Variants in ANKRD28 observed in about 807,000 individuals in gnomAD.
The protein encoded by ANKRD28 is serine/threonine-protein phosphatase 6 regulatory ankyrin repeat subunit A.
Under a neutral mutation model 126.5 loss-of-function variants are expected in ANKRD28, and 44 were observed. The observed-to-expected ratio is 0.35, with a 90% CI of 0.27 to 0.45. The LOEUF (loss-of-function observed/expected upper bound fraction) is 0.45, where lower values mean the gene tolerates loss of function less well. ANKRD28 is among the 20% of genes least tolerant of loss of function. ANKRD28 has a pLI of 1.00. For synonymous variants in ANKRD28, 442 were observed against 468.5 expected (o/e 0.94, Z 0.73); for missense variants, 1,110 against 1,316.6 (o/e 0.84, Z 2.43).
intron 15 of ANKRD28, among the ~76,000 whole-genome samples, chr3:15,695,606 C>T (rs1575196520): frequency 1.3e-5 from 2 of 152,078 alleles, no homozygotes; most frequent in Admixed American, 1.3e-4. Flanking sequence ...ATCTGTTACA[C>T]ACATGAATAT....
chr3:15,859,427 C>T (rs766601155), exon 1 of ANKRD28: 2 of 1,517,868 alleles, frequency 1.3e-6, no homozygotes, highest in South Asian at 1.2e-5. Context: ...GCGCCCACTC[C>T]AGCCTCCTCC....
At chr3:15,686,757 G>T (rs1223431819) in intron 18 of ANKRD28, among the ~76,000 whole-genome samples, 1 of 152,172 alleles carries the variant, frequency 6.6e-6, no homozygotes, top group Non-Finnish European at 1.5e-5. Flanking sequence ...TCTAGAGGCT[G>T]CTGGGAAATA....
chr3:15,689,786 G>C (rs2068578737), intron 18 of ANKRD28: 1 of 464,178 alleles, frequency 2.2e-6, no homozygotes, highest in Admixed American at 3.5e-5. Context: ...ATAATACACT[G>C]TATTTAAGTT....
rs1026171232 is a variant in ANKRD28, at chr3:15,838,227, T to G, written c.27+21150A>C. On this transcript the variant is annotated intron_variant, in intron 1 of 27. Transcript: ENST00000399451. The surrounding 1 kb of genome is among the most constrained non-coding windows in gnomAD (Gnocchi z 4.0). ...AATATTAATCCTTCACAAACTCATC[T>G]AGATACTTCAATAGAAAACACTTTC... Among the ~76,000 whole-genome samples, 34 of 152,344 alleles carry G rather than the reference T, an allele frequency of 2.2e-4. 5 individuals are homozygous for G. The highest frequency in any genetic ancestry group is 9.8e-4 in the Admixed American group (15 of 15,296).
intron 4 of ANKRD28, among the ~76,000 whole-genome samples, chr3:15,739,724 A>G (rs1440066956): frequency 6.6e-6 from 1 of 152,240 alleles, no homozygotes; most frequent in Non-Finnish European, 1.5e-5. Context: ...AAATGCTATT[A>G]GCCATGAATC....
intron 24 of ANKRD28, among the ~76,000 whole-genome samples, chr3:15,677,928 C>G (rs2067121876): frequency 6.6e-6 from 1 of 152,086 alleles, no homozygotes; most frequent in Non-Finnish European, 1.5e-5. Flanking sequence ...GGCATAAGGT[C>G]ATTTAGCTGA....
At chr3:15,694,679 G>A in intron 17 of ANKRD28, 60 bp downstream of exon 17, 10 of 1,437,448 alleles carry the variant, frequency 7.0e-6, no homozygotes, top group Non-Finnish European at 9.8e-6. Context: ...ACACAAATAG[G>A]TTATTAGATA....
chr3:15,742,915 T>C (rs868625397), intron 4 of ANKRD28, among the ~76,000 whole-genome samples: 1,898 of 147,976 alleles, frequency 0.013, 23 homozygotes, highest in African/African-American at 0.033. Context: ...ATGACAATGG[T>C]GGTTTTGTGG....
chr3:15,842,749 T>A (rs1328730267), intron 1 of ANKRD28, among the ~76,000 whole-genome samples: 1 of 152,166 alleles, frequency 6.6e-6, no homozygotes, highest in Non-Finnish European at 1.5e-5. Context: ...AAAAATTTTT[T>A]AAAACATAAA....
chr3:15,690,778 G>A (rs556076817), intron 17 of ANKRD28, among the ~76,000 whole-genome samples: 14 of 151,836 alleles, frequency 9.2e-5, no homozygotes, highest in Admixed American at 2.0e-4. Flanking sequence ...TATGCTATCC[G>A]GGCTGGTCTC....
intron 4 of ANKRD28, among the ~76,000 whole-genome samples, chr3:15,748,433 C>T (rs529677728): frequency 5.9e-5 from 9 of 152,222 alleles, no homozygotes; most frequent in Non-Finnish European, 1.3e-4. Flanking sequence ...AGACTGTATA[C>T]CCTCCTTCAT....
chr3:15,836,309 C>T (rs2061325235), intron 1 of ANKRD28, among the ~76,000 whole-genome samples: 1 of 151,984 alleles, frequency 6.6e-6, no homozygotes, highest in South Asian at 2.1e-4. Flanking sequence ...AGGACTATTA[C>T]TATGTAACAA....
intron 17 of ANKRD28, among the ~76,000 whole-genome samples, chr3:15,690,766 G>A (rs774211956): frequency 6.6e-6 from 1 of 151,932 alleles, no homozygotes; most frequent in Admixed American, 6.6e-5. Flanking sequence ...TGAGGGTCTC[G>A]CTATGCTATC....
At chr3:15,828,808 C>T (rs1458083836) in intron 1 of ANKRD28, among the ~76,000 whole-genome samples, 1 of 152,116 alleles carries the variant, frequency 6.6e-6, no homozygotes, top group Non-Finnish European at 1.5e-5. Flanking sequence ...AAGCACAAAC[C>T]AAACTTACCC....
At chr3:15,676,407 C>G (rs1430781414) in intron 26 of ANKRD28, among the ~76,000 whole-genome samples, 1 of 152,182 alleles carries the variant, frequency 6.6e-6, no homozygotes, top group African/African-American at 2.4e-5. Flanking sequence ...AGCTTACAAG[C>G]ATCATGACTA....
intron 3 of ANKRD28, 118 bp from the exon 4 acceptor site, chr3:15,751,938 T>C (rs2057885951): frequency 3.2e-6 from 2 of 621,252 alleles, no homozygotes; most frequent in African/African-American, 1.9e-5. Flanking sequence ...AAAAAAAACT[T>C]ATTTTTTACA....
chr3:15,670,836 G>GA (rs1402070566), intron 27 of ANKRD28, among the ~76,000 whole-genome samples: 2 of 152,188 alleles, frequency 1.3e-5, no homozygotes, highest in Non-Finnish European at 2.9e-5. Context: ...GTATCCATCT[G>GA]AATTCACAGA....
rs1433126077 is a variant in ANKRD28 at position 15,797,278 on chromosome 3, C to A, written c.-757G>T. On this transcript the variant is annotated 5_prime_UTR_variant, in exon 1 of 28. Coordinates refer to ENST00000683139, the MANE Select transcript of ANKRD28 (RefSeq NM_001349278.2). The stretch of plus-strand genomic sequence containing the variant: ...CGTTTACATGTGATGAGTCAGACCA[C>A]AAGAGACAATACGACTCTTGGTACT... 1.0e-6 allele frequency: 1 copy of A among 984,188 alleles called. No individual in the cohort carries two copies. Among genetic ancestry groups the A allele is most frequent in the East Asian group, 1.1e-4 (1 of 8,776 alleles). 61.0% of individuals were successfully genotyped at this position (984,188 alleles called of 1,614,324 possible).
chr3:15,767,740 A>C (rs867620930), intron 2 of ANKRD28, among the ~76,000 whole-genome samples: 10 of 121,428 alleles, frequency 8.2e-5, no homozygotes, highest in Non-Finnish European at 1.5e-4. Flanking sequence ...AAAAAAAAAA[A>C]AGCCGCACGT....
Sources: allele counts gnomAD v4.1 joint callset (sites outside exome capture counted in the v4.1 genomes callset), GRCh38; gene constraint gnomAD v4.1.1; non-coding constraint Gnocchi (gnomAD v3.1); transcripts MANE v1.5; gene names NCBI Gene and HGNC (gene_info 2026-07-23, HGNC 2026-07-21).